Variants in TP53BP2 observed in about 807,000 individuals in gnomAD.
TP53BP2 encodes the protein tumor protein p53 binding protein 2.
Under a neutral mutation model 126.2 loss-of-function variants are expected in TP53BP2, and 62 were observed. The ratio of observed to expected loss-of-function variants is 0.49; its 90% CI spans 0.40 to 0.61. TP53BP2 has a LOEUF of 0.61. TP53BP2 is among the 20% of genes least tolerant of loss of function. The probability of loss-of-function intolerance (pLI) is 0.00; values close to 1 mark genes in which losing one functional copy is unlikely to be tolerated. For missense variants in TP53BP2, 1,215 were observed against 1,402.8 expected, an observed-to-expected ratio of 0.87 and a Z score of 2.14; for synonymous variants, 485 against 502.9, an observed-to-expected ratio of 0.96 and a Z score of 0.48.
chr1:223,802,679 C>A, intron 8 of TP53BP2, 52 bp downstream of exon 8: 1 of 1,600,424 alleles, frequency 6.2e-7, no homozygotes, highest in South Asian at 1.1e-5. Flanking sequence ...CCTCACTGGG[C>A]TGGTCATCTT....
At chr1:223,845,556 C>T (rs1033579081) in intron 1 of TP53BP2, 98 bp downstream of exon 1, 3 of 1,291,592 alleles carry the variant, frequency 2.3e-6, no homozygotes, top group Non-Finnish European at 3.0e-6. Context: ...CTGCGGCCCC[C>T]AGGCTCCTTC....
intron 6 of TP53BP2, 56 bp downstream of exon 6, chr1:223,804,118 C>CA (rs1334542973): frequency 7.1e-6 from 11 of 1,554,866 alleles, no homozygotes; most frequent in Admixed American, 4.0e-5. Context: ...GACCCTGTCT[C>CA]AAAAAAACCA....
At position 223,806,921 on chromosome 1, in the gene TP53BP2, A is replaced by G; in HGVS notation, c.399T>C (p.Thr133=). 3 of 1,614,072 alleles carry G rather than the reference A, an allele frequency of 1.9e-6. No homozygotes were observed. The highest frequency in any genetic ancestry group is 2.5e-6 in the Non-Finnish European group (3 of 1,179,928). ...NGVNSPRMDL[T]LAELQEMASR... ...ATGCCATTTCCTGAAGTTCAGCAAGAGTCAGATCCATCCTAGGACTATTAA... is the reference window on the plus strand; with the variant it reads ...ATGCCATTTCCTGAAGTTCAGCAAGGGTCAGATCCATCCTAGGACTATTAA... The change falls in exon 5 of 18, where the codon ACT becomes ACC. Residue 133 remains threonine, a synonymous_variant. Transcript: ENST00000343537.
intron 16 of TP53BP2, among the ~76,000 whole-genome samples, chr1:223,788,025 T>A (rs904864677): frequency 1.3e-5 from 2 of 152,088 alleles, no homozygotes; most frequent in Non-Finnish European, 2.9e-5. Context: ...GCAATGACCA[T>A]GCCACTGCAC....
chr1:223,841,894 A>C (rs1322847537), intron 1 of TP53BP2, among the ~76,000 whole-genome samples: 1 of 151,482 alleles, frequency 6.6e-6, no homozygotes, highest in Admixed American at 6.6e-5. Context: ...TTTTAAAATA[A>C]GCCATTACTT....
intron 1 of TP53BP2, among the ~76,000 whole-genome samples, chr1:223,824,067 A>G (rs1394396718): frequency 6.6e-6 from 1 of 152,222 alleles, no homozygotes; most frequent in Non-Finnish European, 1.5e-5. Flanking sequence ...TTCTCTTTAT[A>G]AATGAAGAAA....
At position 223,821,262 on chromosome 1, in the gene TP53BP2, C is replaced by T. The variant is rs1365839370; in HGVS notation, c.133G>A (p.Gly45Ser). 3 of 1,613,930 alleles carry T rather than the reference C, an allele frequency of 1.9e-6. No homozygotes were observed. Among genetic ancestry groups the T allele is most frequent in the Admixed American group, 3.3e-5 (2 of 60,012 alleles). ...RDVVDLCKEP[G>S]ESDCHLAEVW... ...TCAGCCAAATGGCAATCACTCTCGCCGGGTTCTTTGCACAGATCCACCACG... is the reference window on the plus strand; with the variant it reads ...TCAGCCAAATGGCAATCACTCTCGCTGGGTTCTTTGCACAGATCCACCACG... The change falls in exon 2 of 18, where the codon GGC becomes AGC. Residue 45 changes from glycine to serine, a missense_variant. This residue lies in a region of TP53BP2 where 814 missense variants were observed against 853.0 expected (regional missense o/e 0.95). Transcript: ENST00000343537.
intron 1 of TP53BP2, among the ~76,000 whole-genome samples, chr1:223,837,155 A>T (rs114139578): frequency 1.3e-5 from 1 of 76,690 alleles, no homozygotes; most frequent in African/African-American, 4.8e-5. Context: ...TAAAAAAAAA[A>T]GGGGGGGGGC....
rs556922262 is a variant in TP53BP2 at position 223,793,339 on chromosome 1, C to T, written c.2826G>A (p.Glu942=). The change falls in exon 14 of 18, where the codon GAG becomes GAA. Residue 942 remains glutamate (E), a synonymous_variant. Transcript: ENST00000343537. ...TTCTCTGTACAAGGTCAAATTCTCCCTCCAAAGACGAATCTAGCAGTAAAG... is the reference window on the plus strand; with the variant it reads ...TTCTCTGTACAAGGTCAAATTCTCCTTCCAAAGACGAATCTAGCAGTAAAG... ...PLALLLDSSL[E]GEFDLVQRII... 4 of 1,611,258 alleles carry T rather than the reference C, an allele frequency of 2.5e-6. No homozygotes were observed. In the South Asian group the frequency reaches 4.4e-5, roughly 18 times the overall value.
chr1:223,829,046 G>T (rs986225124), intron 1 of TP53BP2, among the ~76,000 whole-genome samples: 5 of 152,096 alleles, frequency 3.3e-5, no homozygotes, highest in African/African-American at 1.2e-4. Flanking sequence ...AAAATCTCAG[G>T]CCGGGCATGG....
At chr1:223,802,420 T>C (rs1662560514) in intron 8 of TP53BP2, 76 bp from the exon 9 acceptor site, 1 of 1,391,130 alleles carries the variant, frequency 7.2e-7, no homozygotes, top group African/African-American at 1.5e-5. Flanking sequence ...AGATGTGACA[T>C]TTTCTTACTT....
At chr1:223,838,948 A>C (rs1664014065) in intron 1 of TP53BP2, among the ~76,000 whole-genome samples, 1 of 152,020 alleles carries the variant, frequency 6.6e-6, no homozygotes, top group Non-Finnish European at 1.5e-5. Context: ...AGTTGATAAG[A>C]GAACTATCTG....
At chr1:223,812,094 G>A (rs569445752) in intron 3 of TP53BP2, among the ~76,000 whole-genome samples, 1 of 151,792 alleles carries the variant, frequency 6.6e-6, no homozygotes, top group South Asian at 2.1e-4. Flanking sequence ...AAAGCCTACG[G>A]AAAAAAATAC....
chr1:223,803,494 A>G (rs1197347779), intron 6 of TP53BP2, 42 bp from the exon 7 acceptor site: 4 of 1,535,806 alleles, frequency 2.6e-6, no homozygotes, highest in African/African-American at 1.4e-5. Context: ...GAAAAGAAAA[A>G]TAAGAATGGA....
chr1:223,841,292 T>C (rs1664096773), intron 1 of TP53BP2, among the ~76,000 whole-genome samples: 1 of 134,046 alleles, frequency 7.5e-6, no homozygotes, highest in Admixed American at 7.4e-5. Context: ...TGCACATTTC[T>C]AAAAATAGAT....
chr1:223,835,529 T>G (rs1663892310), intron 1 of TP53BP2, among the ~76,000 whole-genome samples: 2 of 152,242 alleles, frequency 1.3e-5, no homozygotes, highest in Non-Finnish European at 2.9e-5. Context: ...GATTTCATTC[T>G]GTTTTTTACT....
intron 13 of TP53BP2, among the ~76,000 whole-genome samples, chr1:223,794,377 T>C (rs1023907776): frequency 1.3e-5 from 2 of 152,222 alleles, no homozygotes; most frequent in Admixed American, 6.5e-5. Context: ...TGTTGCTCTC[T>C]GAATGTTATC....
At chr1:223,818,831 G>A (rs1215903535) in intron 2 of TP53BP2, among the ~76,000 whole-genome samples, 2 of 151,088 alleles carry the variant, frequency 1.3e-5, no homozygotes, top group African/African-American at 4.9e-5. Flanking sequence ...AACCCTCCTT[G>A]GCCTCCCAAA....
At chr1:223,815,670 G>C (rs1219915668) in intron 2 of TP53BP2, among the ~76,000 whole-genome samples, 1 of 152,208 alleles carries the variant, frequency 6.6e-6, no homozygotes, top group African/African-American at 2.4e-5. Context: ...AGCTGAAACA[G>C]ACACTTAAAG....
Sources: gnomAD v4.1 joint callset for allele counts (sites outside exome capture counted in the v4.1 genomes callset) on GRCh38, gnomAD v4.1.1 for gene constraint, gnomAD v4.1.1 regional missense constraint, MANE v1.5 for transcripts, NCBI Gene and HGNC (gene_info 2026-07-23, HGNC 2026-07-21) for gene names.